KCNK3: variants seen among roughly 807,000 people sequenced by gnomAD.
KCNK3 encodes the protein potassium channel subfamily K member 3.
A neutral mutation model predicts 27.3 loss-of-function variants in KCNK3; 9 were observed. The ratio of observed to expected loss-of-function variants is 0.33; its 90% CI spans 0.20 to 0.57. The LOEUF is 0.57. Among genes scored for constraint, KCNK3 ranks in the 20% least tolerant of loss-of-function variants. The probability of loss-of-function intolerance (pLI) is 0.87; values close to 1 mark genes in which losing one functional copy is unlikely to be tolerated. For missense variants in KCNK3, 391 were observed against 577.7 expected, an observed-to-expected ratio of 0.68 and a Z score of 3.31; for synonymous variants, 278 against 273.8, an observed-to-expected ratio of 1.02 and a Z score of -0.15.
Position 26,721,879 on chromosome 2 carries a change from G to C in KCNK3, c.284-5788G>C, listed in dbSNP as rs1663334146. 6.6e-6 allele frequency among the ~76,000 whole-genome samples: 1 copy of C among 152,234 alleles called. No individual in the cohort carries two copies. The highest frequency in any genetic ancestry group is 1.5e-5 in the Non-Finnish European group (1 of 68,040). On this transcript the variant is annotated intron_variant, in intron 1 of 1. Transcript: ENST00000302909. This position sits in a 1 kb window ranked among gnomAD's most constrained non-coding sequence, Gnocchi z 4.3. ...TACATTAGATAACTAGGTCAGCCTG[G>C]AGACAGGCACAGCTGGCATTGCCAA...
chr2:26,706,852 C>G (rs1045708719), intron 1 of KCNK3, among the ~76,000 whole-genome samples: 1 of 152,170 alleles, frequency 6.6e-6, no homozygotes, highest in Admixed American at 6.5e-5. Flanking sequence ...TGCTCCTCTG[C>G]TCCTCTGCTC....
Position 26,728,439 on chromosome 2 carries a change from C to G in KCNK3, c.1056C>G (p.Arg352=), listed in dbSNP as rs1259778930. Residue 352 remains arginine, a synonymous_variant, in exon 2 of 2, where the codon CGC becomes CGG. Transcript: ENST00000302909. Reference sequence around the variant, plus strand: ...ACTCGTCGCCGGGAGGGGGCGGCCGCTACAGCGACACGCCCTCGCGACGCT... The same window carrying G: ...ACTCGTCGCCGGGAGGGGGCGGCCGGTACAGCGACACGCCCTCGCGACGCT... ...QSHSSPGGGG[R]YSDTPSRRCL... is the part of the protein sequence containing the mutation. The G allele has an allele frequency of 1.9e-6, 3 of 1,588,812 alleles. No individual in the cohort carries two copies. Among genetic ancestry groups the G allele is most frequent in the Non-Finnish European group, 2.6e-6 (3 of 1,164,640 alleles).
In KCNK3 at chr2:26,697,966, GAGA is replaced by G. The variant is rs551434037; in HGVS notation, c.283+4811_283+4813del. Among the ~76,000 whole-genome samples, 179 of 152,308 alleles carry G rather than the reference GAGA, an allele frequency of 1.2e-3. 1 individual carries two copies. The highest frequency in any genetic ancestry group is 2.0e-3 in the Non-Finnish European group (138 of 68,014). ...CAAAATCCCAGAGGTCCTAAAATAA[GAGA>G]AGGAGACATTAGCAATCTTCCAAAC... On this transcript the variant is annotated intron_variant, in intron 1 of 1. Coordinates refer to ENST00000302909, the MANE Select transcript of KCNK3 (RefSeq NM_002246.3).
Position 26,728,960 on chromosome 2 carries a change from T to G in KCNK3, c.*392T>G. 1 of 175,376 alleles carries G rather than the reference T, an allele frequency of 5.7e-6. No individual in the cohort carries two copies. The highest frequency in any genetic ancestry group is 1.5e-4 in the East Asian group (1 of 6,802). 10.9% of individuals were successfully genotyped at this position (175,376 alleles called of 1,614,324 possible). A position where few individuals can be genotyped will look rare whatever the true frequency, so the allele number is the denominator to read the frequency against. ...ACGTTTGCATCTCTATTTATACCTC[T>G]GTCCTGCTAGGTCTCCCACCTTCCC... On this transcript the variant is annotated 3_prime_UTR_variant, in exon 2 of 2. Coordinates refer to ENST00000302909, the MANE Select transcript of KCNK3 (RefSeq NM_002246.3).
chr2:26,703,625 G>A (rs925863244), intron 1 of KCNK3, among the ~76,000 whole-genome samples: 3 of 152,184 alleles, frequency 2.0e-5, no homozygotes, highest in African/African-American at 7.2e-5. Context: ...GATCATTTGA[G>A]ATGTCCCGAA....
At chr2:26,716,171 C>A (rs1457208968) in intron 1 of KCNK3, among the ~76,000 whole-genome samples, 5 of 152,150 alleles carry the variant, frequency 3.3e-5, no homozygotes, top group African/African-American at 4.8e-5. Context: ...AAAAAAACTG[C>A]CTTTGAATTT....
chr2:26,727,520 A>C (rs1663443307), intron 1 of KCNK3, 147 bp from the exon 2 acceptor site: 1 of 1,012,856 alleles, frequency 9.9e-7, no homozygotes. Flanking sequence ...GGCCTAGCAC[A>C]GTGCGTGGGG....
chr2:26,732,258 C>T lies in KCNK3; in HGVS notation c.*3690C>T, dbSNP rs529253899. On this transcript the variant is annotated 3_prime_UTR_variant, in exon 2 of 2. Transcript: ENST00000302909. ...AGCTCCATGCCTATCTATCTGCCTA[C>T]CTTTCACAAAATAATTCTTAGCAAC... The T allele has an allele frequency of 6.5e-4, 99 of 152,392 alleles. No individual in the cohort carries two copies. Among genetic ancestry groups the T allele is most frequent in the African/African-American group, 2.2e-3 (91 of 41,576 alleles). The allele number at this position is 152,392 out of a possible 1,614,324, so 9.4% of individuals were successfully genotyped here. A position where few individuals can be genotyped will look rare whatever the true frequency, so the allele number is the denominator to read the frequency against.
intron 1 of KCNK3, among the ~76,000 whole-genome samples, chr2:26,705,926 C>A (rs1362447055): frequency 6.6e-6 from 1 of 152,080 alleles, no homozygotes; most frequent in African/African-American, 2.4e-5. Context: ...GAGGTTACCC[C>A]CGTAGCAGCA....
intron 1 of KCNK3, among the ~76,000 whole-genome samples, chr2:26,726,104 C>CAGAGAGAGAG (rs1196440174): frequency 3.7e-5 from 3 of 80,480 alleles, no homozygotes; most frequent in African/African-American, 2.7e-4. Context: ...CACACACACA[C>CAGAGAGAGAG]ACAGAGAGAG....
At chr2:26,702,669 C>T (rs1454799129) in intron 1 of KCNK3, among the ~76,000 whole-genome samples, 2 of 152,084 alleles carry the variant, frequency 1.3e-5, no homozygotes, top group Non-Finnish European at 2.9e-5. Flanking sequence ...ACTGGATGGA[C>T]GTACTACAAA....
chr2:26,724,236 C>A (rs971697820), intron 1 of KCNK3, among the ~76,000 whole-genome samples: 22 of 152,230 alleles, frequency 1.4e-4, no homozygotes, highest in African/African-American at 5.3e-4. Flanking sequence ...GGGGGGCACC[C>A]TAAGCCGGAT....
At chr2:26,720,957 G>T (rs1210527593) in intron 1 of KCNK3, among the ~76,000 whole-genome samples, 1 of 152,152 alleles carries the variant, frequency 6.6e-6, no homozygotes, top group African/African-American at 2.4e-5. Flanking sequence ...GTGCAGGGGG[G>T]ATTCCTTCTG....
rs774439143 is a variant in KCNK3, at chr2:26,728,185, G to A, written c.802G>A (p.Gly268Arg). ...GCACCGCGCGCTGCTCACGCGCAAC[G>A]GGCAGGCGGGCGGCGGCGGAGGGGG... ...AEHRALLTRN[G>R]QAGGGGGGGS... Residue 268 changes from glycine to arginine, a missense_variant, in exon 2 of 2, where the codon GGG (glycine) becomes AGG (arginine). By Grantham distance (125) the Gly-to-Arg change is moderately radical. Transcript: ENST00000302909. 2 of 1,568,026 alleles carry A rather than the reference G, an allele frequency of 1.3e-6. No individual in the cohort carries two copies. Among genetic ancestry groups the A allele is most frequent in the South Asian group, 1.2e-5 (1 of 86,760 alleles).
In KCNK3 at chr2:26,727,187, C is replaced by T. The variant is rs553795888; in HGVS notation, c.284-480C>T. Among the ~76,000 whole-genome samples, 7 of 152,282 alleles carry T rather than the reference C, an allele frequency of 4.6e-5. No individual in the cohort carries two copies. In the East Asian group the frequency reaches 1.2e-3, roughly 25 times the overall value. On this transcript the variant is annotated intron_variant, in intron 1 of 1. Transcript: ENST00000302909. Reference sequence around the variant, plus strand: ...CAGAAACCATTCAGGGCAACCACCTCACCTTGTAGTCAAGGAAACTGAGGC... The same window carrying T: ...CAGAAACCATTCAGGGCAACCACCTTACCTTGTAGTCAAGGAAACTGAGGC...
intron 1 of KCNK3, among the ~76,000 whole-genome samples, chr2:26,704,179 C>A (rs1392511889): frequency 1.3e-5 from 2 of 152,140 alleles, no homozygotes; most frequent in African/African-American, 4.8e-5. Context: ...GTTTTTGACT[C>A]CCCTATCCCA....
At chr2:26,717,450 C>T (rs144703483) in intron 1 of KCNK3, among the ~76,000 whole-genome samples, 15 of 152,334 alleles carry the variant, frequency 9.8e-5, no homozygotes, top group African/African-American at 3.4e-4. Context: ...ATGCCAGCGT[C>T]ATGGACAGGG....
rs1366534046 is a variant in KCNK3, at chr2:26,730,169, A to G, written c.*1601A>G. 2 of 152,502 alleles carry G rather than the reference A, an allele frequency of 1.3e-5. No individual in the cohort carries two copies. The highest frequency in any genetic ancestry group is 4.8e-5 in the African/African-American group (2 of 41,452). 9.4% of individuals were successfully genotyped at this position (152,502 alleles called of 1,614,324 possible). Reference sequence around the variant, plus strand: ...AGCAGGGCTGGGTCTCATGGCAGAAAGGCCAGGATCTGGGGCTCTAGGAAT... The same window carrying G: ...AGCAGGGCTGGGTCTCATGGCAGAAGGGCCAGGATCTGGGGCTCTAGGAAT... On this transcript the variant is annotated 3_prime_UTR_variant, in exon 2 of 2. Coordinates refer to ENST00000302909, the MANE Select transcript of KCNK3 (RefSeq NM_002246.3).
At chr2:26,707,254 G>A (rs1670387058) in intron 1 of KCNK3, among the ~76,000 whole-genome samples, 1 of 152,192 alleles carries the variant, frequency 6.6e-6, no homozygotes, top group Admixed American at 6.5e-5. Flanking sequence ...AGCTGCTCAC[G>A]GCTCCCACAG....
Sources: gnomAD v4.1 joint callset for allele counts (sites outside exome capture counted in the v4.1 genomes callset) on GRCh38, gnomAD v4.1.1 for gene constraint, Gnocchi (gnomAD v3.1) non-coding constraint, MANE v1.5 for transcripts, NCBI Gene and HGNC (gene_info 2026-07-23, HGNC 2026-07-21) for gene names.